The following HHLA1 variants were observed in gnomAD, a reference collection of about 807,000 sequenced individuals.
The protein encoded by HHLA1 is HHLA1 neighbor of OC90.
Under a neutral mutation model 69.9 loss-of-function variants are expected in HHLA1, and 72 were observed. The ratio of observed to expected loss-of-function variants is 1.03; its 90% CI spans 0.85 to 1.25. HHLA1 has a LOEUF of 1.25. Among genes scored for constraint, HHLA1 ranks in the 50% most tolerant of loss-of-function variants. The pLI is 0.00. For synonymous variants in HHLA1, 252 were observed against 233.2 expected (o/e 1.08, Z -0.73); for missense variants, 685 against 642.2 (o/e 1.07, Z -0.72).
intron 10 of HHLA1, 111 bp from the exon 11 acceptor site, chr8:132,080,077 C>G: frequency 7.2e-7 from 1 of 1,386,014 alleles, no homozygotes; most frequent in Non-Finnish European, 1.0e-6. Context: ...AAACCTTTCT[C>G]TAATTAAAAG....
At chr8:132,096,888 C>G (rs755419094) in intron 5 of HHLA1, among the ~76,000 whole-genome samples, 1 of 152,154 alleles carries the variant, frequency 6.6e-6, no homozygotes, top group Non-Finnish European at 1.5e-5. Context: ...CAGCTCACTG[C>G]GGCCTCCACC....
intron 15 of HHLA1, 111 bp downstream of exon 15, chr8:132,071,229 C>G (rs1276092751): frequency 1.1e-6 from 1 of 888,510 alleles, no homozygotes; most frequent in Non-Finnish European, 1.7e-6. Flanking sequence ...ACCCCTACTG[C>G]CTGTCTGTGG....
At chr8:132,105,126 A>G in intron 2 of HHLA1, 61 bp downstream of exon 2, 2 of 1,278,008 alleles carry the variant, frequency 1.6e-6, no homozygotes, top group Non-Finnish European at 2.2e-6. Flanking sequence ...TCTCTAAAGC[A>G]CAGTGAATAC....
chr8:132,103,969 A>G (rs1230619873), intron 3 of HHLA1, 139 bp downstream of exon 3: 1 of 627,658 alleles, frequency 1.6e-6, no homozygotes, highest in East Asian at 2.8e-5. Flanking sequence ...AGTAGCTCAC[A>G]GGAACCATTG....
chr8:132,071,549 T>C (rs1823545558), intron 14 of HHLA1, 56 bp from the exon 15 acceptor site: 9 of 1,503,620 alleles, frequency 6.0e-6, no homozygotes, highest in Non-Finnish European at 8.1e-6. Context: ...AAGCATCTTC[T>C]CTTCGTTAAG....
chr8:132,070,022 GGGA>G (rs1193929614), intron 15 of HHLA1: 26 of 14,724 alleles, frequency 1.8e-3, no homozygotes, highest in Middle Eastern at 0.013. Flanking sequence ...GGGGGGGGGG[GGGA>G]GGGGGATGAA....
intron 7 of HHLA1, among the ~76,000 whole-genome samples, chr8:132,091,485 A>G (rs1419615379): frequency 1.3e-5 from 2 of 152,320 alleles, no homozygotes; most frequent in East Asian, 3.9e-4. Context: ...ACCACTCATG[A>G]AACCTCTTGC....
intron 3 of HHLA1, chr8:132,101,065 G>A (rs1563749460): frequency 1.7e-6 from 2 of 1,188,614 alleles, no homozygotes; most frequent in Non-Finnish European, 2.2e-6. Flanking sequence ...AAAAAAGCTA[G>A]TATCACATGT....
At position 132,083,691 on chromosome 8, in the gene HHLA1, A is replaced by G. The variant is rs373249783; in HGVS notation, c.677-3725T>C. Among the ~76,000 whole-genome samples the G allele has an allele frequency of 1.3e-3, 196 of 152,264 alleles. 3 individuals are homozygous for G. In the South Asian group the frequency reaches 0.039, roughly 30 times the overall value. On this transcript the variant is annotated intron_variant, in intron 10 of 16. Transcript: ENST00000414222. ...TCCTTGGCCCAGTGGCCAGATTTCC[A>G]GCACATGTAGCAAGCTCCTGTGGGA...
chr8:132,079,612 T>G, intron 11 of HHLA1, 106 bp downstream of exon 11: 1 of 1,213,278 alleles, frequency 8.2e-7, no homozygotes, highest in Non-Finnish European at 1.1e-6. Flanking sequence ...GTAACTTCAG[T>G]TGGTGGAGAA....
At position 132,090,142 on chromosome 8, in the gene HHLA1, G is replaced by C. The variant is rs557648374; in HGVS notation, c.449-543C>G. On this transcript the variant is annotated intron_variant, in intron 7 of 16. Coordinates refer to ENST00000414222, the MANE Select transcript of HHLA1 (RefSeq NM_001145095.3). ...TGCCCCCTTTTTAAAGGAACTGATGGTGGTGCTGGTGGGGAGTGGTGTCTG... is the reference window on the plus strand; with the variant it reads ...TGCCCCCTTTTTAAAGGAACTGATGCTGGTGCTGGTGGGGAGTGGTGTCTG... Among the ~76,000 whole-genome samples, 26 of 152,300 alleles carry C rather than the reference G, an allele frequency of 1.7e-4. No individual in the cohort carries two copies. In the South Asian group the frequency reaches 5.2e-3, roughly 30 times the overall value.
chr8:132,071,489 A>T lies in HHLA1; in HGVS notation c.1320T>A (p.Cys440Ter), dbSNP rs1371720759. ...LVPRPHQVSR[C>*]PQPLFKVGAM... ...CTCCCACCTTGAAGAGTGGCTGAGGACACCCTAGAAGATGCAATCCCAGAC... is the reference window on the plus strand; with the variant it reads ...CTCCCACCTTGAAGAGTGGCTGAGGTCACCCTAGAAGATGCAATCCCAGAC... Residue 440 changes from cysteine (C) to a stop codon, truncating the protein, a stop_gained, in exon 15 of 17, where the codon TGT (cysteine) becomes TGA (stop). Coordinates refer to ENST00000414222, the MANE Select transcript of HHLA1 (RefSeq NM_001145095.3). LOFTEE classifies it high-confidence loss of function. 16 of 1,551,168 alleles carry T rather than the reference A, an allele frequency of 1.0e-5. No homozygotes were observed. The highest frequency in any genetic ancestry group is 1.4e-5 in the African/African-American group (1 of 73,038).
At chr8:132,098,800 T>C in intron 5 of HHLA1, 82 bp downstream of exon 5, 1 of 839,224 alleles carries the variant, frequency 1.2e-6, no homozygotes, top group Non-Finnish European at 1.9e-6. Context: ...AAGTGTCTTG[T>C]CAAGGCAACA....
intron 2 of HHLA1, among the ~76,000 whole-genome samples, chr8:132,104,604 A>G (rs913073708): frequency 2.0e-5 from 3 of 152,192 alleles, no homozygotes; most frequent in African/African-American, 7.2e-5. Flanking sequence ...ACAGAACAGC[A>G]CAAGCCCAGT....
At chr8:132,094,089 C>T (rs978834272) in intron 7 of HHLA1, among the ~76,000 whole-genome samples, 14 of 152,130 alleles carry the variant, frequency 9.2e-5, no homozygotes, top group African/African-American at 3.4e-4. Flanking sequence ...AACCTAGATC[C>T]ACTCAAAAGT....
In HHLA1 at chr8:132,080,911, G is replaced by A. The variant is rs550122891; in HGVS notation, c.677-945C>T. On this transcript the variant is annotated intron_variant, in intron 10 of 16. Coordinates refer to ENST00000414222, the MANE Select transcript of HHLA1 (RefSeq NM_001145095.3). Reference sequence around the variant, plus strand: ...GGGGATGTTAGAAGAAACATTTGTTGTATAGAATGATAGGTGATGGCCTGG... The same window carrying A: ...GGGGATGTTAGAAGAAACATTTGTTATATAGAATGATAGGTGATGGCCTGG... 1.8e-4 allele frequency: 28 copies of A among 152,122 alleles called. No homozygotes were observed. The East Asian group carries it at 4.6e-3, about 25-fold the overall frequency. 9.4% of individuals were successfully genotyped at this position (152,122 alleles called of 1,614,324 possible). A position where few individuals can be genotyped will look rare whatever the true frequency, so the allele number is the denominator to read the frequency against.
chr8:132,108,562 T>C (rs907986909), intron 1 of HHLA1, among the ~76,000 whole-genome samples: 2 of 152,140 alleles, frequency 1.3e-5, no homozygotes, highest in African/African-American at 2.4e-5. Flanking sequence ...AAGCAAGTCA[T>C]GTGATGACAG....
chr8:132,095,758 ACT>A lies in HHLA1; in HGVS notation c.307_308del (p.Ser103CysfsTer21), dbSNP rs1824015501. 1 of 1,550,418 alleles carries A rather than the reference ACT, an allele frequency of 6.4e-7. No homozygotes were observed. Among genetic ancestry groups the A allele is most frequent in the Admixed American group, 2.0e-5 (1 of 50,906 alleles). Reference sequence around the variant, plus strand: ...AGGCGAAGGAACTGTAGGAAGTGACACTCAGCAAGGAGAAGAACTTCTTGCTA... The same window carrying A: ...AGGCGAAGGAACTGTAGGAAGTGACACAGCAAGGAGAAGAACTTCTTGCTA... ...KDSKKFFSLL[S>X]VTSYSSFAFH... On this transcript the variant is annotated frameshift_variant, in exon 6 of 17. Coordinates refer to ENST00000414222, the MANE Select transcript of HHLA1 (RefSeq NM_001145095.3). LOFTEE classifies it high-confidence loss of function.
intron 2 of HHLA1, among the ~76,000 whole-genome samples, 161 bp from the exon 3 acceptor site, chr8:132,104,328 G>A (rs2469644): frequency 0.18 from 26,615 of 152,082 alleles, 2,747 homozygotes; most frequent in Middle Eastern, 0.27. Flanking sequence ...TAATCATTTC[G>A]TCATCAAATA....
Sources: allele counts gnomAD v4.1 joint callset (sites outside exome capture counted in the v4.1 genomes callset), GRCh38; gene constraint gnomAD v4.1.1; transcripts MANE v1.5; gene names NCBI Gene and HGNC (gene_info 2026-07-23, HGNC 2026-07-21).